The following DLGAP2 variants were observed in gnomAD, a reference collection of about 807,000 sequenced individuals.
DLGAP2 encodes the protein disks large-associated protein 2.
Under a neutral mutation model 100.3 loss-of-function variants are expected in DLGAP2, and 26 were observed. The observed-to-expected ratio is 0.26, with a 90% CI of 0.19 to 0.36. DLGAP2 has a LOEUF of 0.36. Among genes scored for constraint, DLGAP2 ranks in the 10% least tolerant of loss-of-function variants. The pLI, the probability that DLGAP2 is intolerant of heterozygous loss-of-function variation, is 1.00. For synonymous variants in DLGAP2, 886 were observed against 630.1 expected (o/e 1.41, Z -6.08); for missense variants, 1,858 against 1,453.2 (o/e 1.28, Z -4.53).
chr8:1,228,246 T>A (rs1464417384), intron 2 of DLGAP2, among the ~76,000 whole-genome samples: 2 of 151,906 alleles, frequency 1.3e-5, no homozygotes, highest in African/African-American at 4.8e-5. Context: ...AATAAAAAAA[T>A]ACATAAATAA....
intron 1 of DLGAP2, among the ~76,000 whole-genome samples, chr8:768,199 G>A (rs942007812): frequency 3.3e-5 from 5 of 152,200 alleles, no homozygotes; most frequent in Middle Eastern, 3.4e-3. Flanking sequence ...GAGGGAGGCC[G>A]GGGAGGCACT....
At chr8:1,416,726 G>A (rs1010958906) in intron 3 of DLGAP2, among the ~76,000 whole-genome samples, 6 of 152,180 alleles carry the variant, frequency 3.9e-5, no homozygotes, top group East Asian at 1.9e-4. Context: ...TCAAAAACCA[G>A]GTAGTAAGAA....
At chr8:1,278,681 G>C (rs1799756060) in intron 3 of DLGAP2, among the ~76,000 whole-genome samples, 1 of 152,158 alleles carries the variant, frequency 6.6e-6, no homozygotes, top group Non-Finnish European at 1.5e-5. Context: ...TCAGTGGTGT[G>C]ACCCTCTTAT....
chr8:1,333,705 G>A lies in DLGAP2; in HGVS notation c.106+74822G>A, dbSNP rs531504967. On this transcript the variant is annotated intron_variant, in intron 3 of 14. Coordinates refer to ENST00000637795, the MANE Select transcript of DLGAP2 (RefSeq NM_001346810.2). ...CAGGCAGGTCTGGACTTGCATATGT[G>A]AGACTCGTCTCAAATTCAGTTTCAT... is the stretch of plus-strand genomic sequence containing the variant. Among the ~76,000 whole-genome samples, 4 of 152,206 alleles carry A rather than the reference G, an allele frequency of 2.6e-5. No individual in the cohort carries two copies. The South Asian group carries it at 8.3e-4, about 32-fold the overall frequency.
chr8:1,637,242 C>T (rs939692578), intron 8 of DLGAP2, among the ~76,000 whole-genome samples: 2 of 152,088 alleles, frequency 1.3e-5, no homozygotes, highest in African/African-American at 4.8e-5. Flanking sequence ...AAATAAAACA[C>T]GCTATATGGG....
At chr8:1,161,417 A>G (rs1251341645) in intron 2 of DLGAP2, among the ~76,000 whole-genome samples, 2 of 152,216 alleles carry the variant, frequency 1.3e-5, no homozygotes, top group Admixed American at 1.3e-4. Flanking sequence ...TCTCTGGAAC[A>G]GAGATCAAAA....
At chr8:1,250,417 A>G (rs1799013135) in intron 2 of DLGAP2, 1 of 151,832 alleles carries the variant, frequency 6.6e-6, no homozygotes, top group African/African-American at 2.4e-5. Context: ...GCCGTCTCCC[A>G]GCATGTGGAG....
chr8:995,710 A>G (rs1236024851), intron 2 of DLGAP2, among the ~76,000 whole-genome samples: 1 of 152,240 alleles, frequency 6.6e-6, no homozygotes, highest in Non-Finnish European at 1.5e-5. Context: ...ACAAGCAGCA[A>G]CTGTTTCAGT....
Position 787,233 on chromosome 8 carries a change from G to A in DLGAP2, c.18+49408G>A, listed in dbSNP as rs148715312. The stretch of plus-strand genomic sequence containing the variant: ...GCTGTATGTCTTTCCTGTCTCAATC[G>A]CTCGTGTTCGAACGTTAGTAACTAT... On this transcript the variant is annotated intron_variant, in intron 1 of 14. Coordinates refer to ENST00000637795, the MANE Select transcript of DLGAP2 (RefSeq NM_001346810.2). Among the ~76,000 whole-genome samples, 33 of 152,000 alleles carry A rather than the reference G, an allele frequency of 2.2e-4. No homozygotes were observed. In the East Asian group the frequency reaches 4.1e-3, roughly 19 times the overall value.
chr8:1,575,534 A>T (rs1457421382), intron 6 of DLGAP2, among the ~76,000 whole-genome samples: 1 of 150,244 alleles, frequency 6.7e-6, no homozygotes, highest in East Asian at 2.0e-4. Context: ...TTTGCTACAT[A>T]TGTATACATG....
chr8:1,150,977 C>T (rs1205898741), intron 2 of DLGAP2, among the ~76,000 whole-genome samples: 1 of 152,124 alleles, frequency 6.6e-6, no homozygotes, highest in East Asian at 1.9e-4. Context: ...TGTATGTTTG[C>T]AGGCACATGT....
rs1390049496 is a variant in DLGAP2 at position 773,323 on chromosome 8, CTTCTT to C, written c.18+35501_18+35505del. Among the ~76,000 whole-genome samples the C allele has an allele frequency of 4.7e-5, 6 of 126,512 alleles. No individual in the cohort carries two copies. The East Asian group carries it at 1.6e-3, about 35-fold the overall frequency. 83.0% of individuals were successfully genotyped at this position (126,512 alleles called of 152,430 possible). A position where few individuals can be genotyped will look rare whatever the true frequency, so the allele number is the denominator to read the frequency against. The stretch of plus-strand genomic sequence containing the variant: ...TCATAATCTCATTTTACCTTAATCA[CTTCTT>C]TTTTTTTTTTTAAGTTTATTTTCCT... On this transcript the variant is annotated intron_variant, in intron 1 of 14. Coordinates refer to ENST00000637795, the MANE Select transcript of DLGAP2 (RefSeq NM_001346810.2).
chr8:1,463,154 C>T (rs1249194465), intron 3 of DLGAP2, among the ~76,000 whole-genome samples: 1 of 152,144 alleles, frequency 6.6e-6, no homozygotes, highest in East Asian at 1.9e-4. Flanking sequence ...GAGGCTGAGG[C>T]AGGAGAATCG....
chr8:1,306,881 A>G (rs60809839), intron 3 of DLGAP2, among the ~76,000 whole-genome samples: 3,212 of 152,298 alleles, frequency 0.021, 113 homozygotes, highest in African/African-American at 0.072. Context: ...CTTATACCAC[A>G]TATAAACAAT....
At chr8:745,787 A>G (rs1358475925) in intron 1 of DLGAP2, among the ~76,000 whole-genome samples, 2 of 152,252 alleles carry the variant, frequency 1.3e-5, no homozygotes, top group African/African-American at 4.8e-5. Context: ...TGTTCATACC[A>G]TATTAAGTAA....
intron 1 of DLGAP2, among the ~76,000 whole-genome samples, chr8:886,599 T>C (rs1477994792): frequency 1.3e-5 from 2 of 152,356 alleles, no homozygotes; most frequent in South Asian, 2.1e-4. Context: ...TCAAAGAACT[T>C]CTTGATTTCT....
In DLGAP2 at chr8:1,549,567, T is replaced by C; in HGVS notation, c.1114T>C (p.Ser372Pro). The change falls in exon 5 of 15, where the codon TCT (serine) becomes CCT (proline). Residue 372 changes from serine (S) to proline (P), a missense_variant. By Grantham distance (74) the Ser-to-Pro change is moderately conservative (BLOSUM62 -1). Transcript: ENST00000637795. ...CAAGTACCTGAAGCGCAGCTCCTGGTCTACGCTGACGGTCAGCCAGGCCAA... is the reference window on the plus strand; with the variant it reads ...CAAGTACCTGAAGCGCAGCTCCTGGCCTACGCTGACGGTCAGCCAGGCCAA... ...DAKYLKRSSW[S>P]TLTVSQAKEA... is the part of the protein sequence containing the mutation. The C allele has an allele frequency of 6.2e-7, 1 of 1,612,914 alleles. No homozygotes were observed. Among genetic ancestry groups the C allele is most frequent in the Non-Finnish European group, 8.5e-7 (1 of 1,179,780 alleles).
Position 1,633,001 on chromosome 8 carries a change from A to G in DLGAP2, c.1765A>G (p.Met589Val), listed in dbSNP as rs757858602. ...GYSQDDECIP[M>V]MTPSDITSTI... Reference sequence around the variant, plus strand: ...CTCCCAAGATGACGAATGTATTCCCATGATGACACCCTCTGACATCACCTC... The same window carrying G: ...CTCCCAAGATGACGAATGTATTCCCGTGATGACACCCTCTGACATCACCTC... Residue 589 changes from methionine to valine, a missense_variant, in exon 8 of 15, where the codon ATG (methionine) becomes GTG (valine). Coordinates refer to ENST00000637795, the MANE Select transcript of DLGAP2 (RefSeq NM_001346810.2). The G allele has an allele frequency of 6.2e-7, 1 of 1,614,004 alleles. No homozygotes were observed. Among genetic ancestry groups the G allele is most frequent in the East Asian group, 2.2e-5 (1 of 44,870 alleles).
intron 2 of DLGAP2, among the ~76,000 whole-genome samples, chr8:961,972 G>A (rs867218088): frequency 6.6e-5 from 10 of 152,168 alleles, no homozygotes; most frequent in South Asian, 2.1e-4. Context: ...CATCATGGAC[G>A]CCACCAGTGT....
Sources: allele counts gnomAD v4.1 joint callset (sites outside exome capture counted in the v4.1 genomes callset), GRCh38; gene constraint gnomAD v4.1.1; transcripts MANE v1.5; gene names NCBI Gene and HGNC (gene_info 2026-07-23, HGNC 2026-07-21).